The following CHRDL1 variants were observed in gnomAD, a reference collection of about 807,000 sequenced individuals.
CHRDL1 encodes chordin-like protein 1.
A neutral mutation model predicts 40.9 loss-of-function variants in CHRDL1; 19 were observed. That is an observed-to-expected ratio of 0.46 (90% CI 0.32 to 0.68). CHRDL1 has a LOEUF of 0.68. Among genes scored for constraint, CHRDL1 ranks in the 30% least tolerant of loss-of-function variants. The pLI is 0.03. For synonymous variants in CHRDL1, 136 were observed against 123.4 expected (o/e 1.10, Z -0.68); for missense variants, 329 against 352.1 (o/e 0.93, Z 0.53).
At chrX:110,770,278 C>G (rs2089731100) in intron 2 of CHRDL1, among the ~76,000 whole-genome samples, 1 of 111,648 alleles carries the variant, frequency 9.0e-6, no homozygotes, top group African/African-American at 3.3e-5. Flanking sequence ...AATCCCAGTA[C>G]AGGAAGATAA....
chrX:110,687,773 C>G (rs1215672607), intron 9 of CHRDL1, among the ~76,000 whole-genome samples: 1 of 111,682 alleles, frequency 9.0e-6, no homozygotes, highest in Non-Finnish European at 1.9e-5. Flanking sequence ...TGTGGCAAGA[C>G]AGAGATAGAA....
intron 4 of CHRDL1, among the ~76,000 whole-genome samples, chrX:110,745,200 A>C (rs1303996532): frequency 8.9e-6 from 1 of 111,745 alleles, no homozygotes; most frequent in African/African-American, 3.3e-5. Context: ...AGTTAAGCTA[A>C]GCATTGACCT....
At chrX:110,756,248 C>T (rs936429349) in intron 4 of CHRDL1, among the ~76,000 whole-genome samples, 11 of 111,630 alleles carry the variant, frequency 9.9e-5, no homozygotes, top group Non-Finnish European at 1.7e-4. Flanking sequence ...AAAAACTCTT[C>T]GTGGAATAAA....
chrX:110,782,191 C>T (rs775957205), intron 2 of CHRDL1, among the ~76,000 whole-genome samples: 1 of 111,998 alleles, frequency 8.9e-6, no homozygotes, highest in Non-Finnish European at 1.9e-5. Flanking sequence ...TGAGCATTTC[C>T]TATGAGGCAG....
At chrX:110,700,957 C>A (rs775238245) in intron 6 of CHRDL1, among the ~76,000 whole-genome samples, 2 of 112,033 alleles carry the variant, frequency 1.8e-5, no homozygotes, top group African/African-American at 6.5e-5. Context: ...CAACATTATG[C>A]AGAATTTGGA....
chrX:110,710,739 T>C (rs1465402801), intron 6 of CHRDL1, among the ~76,000 whole-genome samples: 1 of 111,923 alleles, frequency 8.9e-6, no homozygotes, highest in Non-Finnish European at 1.9e-5. Flanking sequence ...AACATTTCCA[T>C]GGAAGGAGAT....
chrX:110,675,722 GGAGGGAGAGAGA>G lies in CHRDL1; in HGVS notation c.*497_*508del, dbSNP rs2069761964. 1 of 41,579 alleles carries G rather than the reference GGAGGGAGAGAGA, an allele frequency of 2.4e-5. No individual in the cohort carries two copies. Among genetic ancestry groups the G allele is most frequent in the Non-Finnish European group, 4.6e-5 (1 of 21,804 alleles). 3.4% of individuals were successfully genotyped at this position (41,579 alleles called of 1,213,427 possible). ...GTGTGTGTGTGTGTCTGTGAGAGAG[GGAGGGAGAGAGA>G]GAGAGAGAGAGAAGGAGGGAGGGAG... On this transcript the variant is annotated 3_prime_UTR_variant, in exon 12 of 12. Coordinates refer to ENST00000372042, the MANE Select transcript of CHRDL1 (RefSeq NM_001143981.2).
chrX:110,717,558 A>G (rs931424382), intron 6 of CHRDL1, among the ~76,000 whole-genome samples: 9 of 111,276 alleles, frequency 8.1e-5, no homozygotes, highest in Non-Finnish European at 1.3e-4. Context: ...TTAGCTCCTC[A>G]ACTCACTAGC....
intron 2 of CHRDL1, among the ~76,000 whole-genome samples, chrX:110,787,132 G>A (rs1168361255): frequency 8.9e-6 from 1 of 111,960 alleles, no homozygotes; most frequent in Non-Finnish European, 1.9e-5. Context: ...TGGCTTGTAA[G>A]AGAGTTGCTC....
intron 6 of CHRDL1, among the ~76,000 whole-genome samples, chrX:110,714,782 T>C (rs181837573): frequency 1.8e-5 from 2 of 111,906 alleles, no homozygotes; most frequent in African/African-American, 6.5e-5. Flanking sequence ...GTTTGCAAGT[T>C]CAGCAGTCAA....
chrX:110,678,083 C>A (rs2069816899), intron 11 of CHRDL1, among the ~76,000 whole-genome samples: 2 of 111,157 alleles, frequency 1.8e-5, no homozygotes, highest in Non-Finnish European at 3.8e-5. Flanking sequence ...ACAGCGAGGA[C>A]CTCTTTCTAA....
chrX:110,725,234 A>T lies in CHRDL1; in HGVS notation c.302-3704T>A, dbSNP rs183894591. 9.8e-5 allele frequency among the ~76,000 whole-genome samples: 11 copies of T among 112,218 alleles called. No homozygotes were observed. The Admixed American group carries it at 1.0e-3, about 11-fold the overall frequency. On this transcript the variant is annotated intron_variant, in intron 4 of 11. Coordinates refer to ENST00000372042, the MANE Select transcript of CHRDL1 (RefSeq NM_001143981.2). ...GAGGGATGATCTCATATGTAAGCAG[A>T]ACTATGATTTCCGGGATGCTCAGAA...
rs762972949 is a variant in CHRDL1, at chrX:110,792,088, G to A, written c.94C>T (p.His32Tyr). Reference protein sequence around the residue: ...LEGGKTEQVKHSETYCMFQDK... With the variant: ...LEGGKTEQVKYSETYCMFQDK... The stretch of plus-strand genomic sequence containing the variant: ...TATTTTCCAAATGCAAGACACTTAC[G>A]TTTTACTTGCTCTGTTTTGCCTCCT... The change falls in exon 2 of 12, where the codon CAT becomes TAT. Residue 32 changes from histidine to tyrosine, a missense_variant and splice_region_variant. Coordinates refer to ENST00000372042, the MANE Select transcript of CHRDL1 (RefSeq NM_001143981.2). 4.6e-5 allele frequency: 52 copies of A among 1,123,603 alleles called. No individual in the cohort carries two copies. The highest frequency in any genetic ancestry group is 6.1e-5 in the Non-Finnish European group (50 of 823,879). The allele number at this position is 1,123,603 out of a possible 1,213,427, so 92.6% of individuals were successfully genotyped here.
chrX:110,692,581 T>C (rs1001789838), intron 8 of CHRDL1, among the ~76,000 whole-genome samples: 8 of 112,378 alleles, frequency 7.1e-5, no homozygotes, highest in African/African-American at 2.3e-4. Context: ...TCACAGCAAA[T>C]GGAATCTATT....
At position 110,721,497 on chromosome X, in the gene CHRDL1, G is replaced by A; in HGVS notation, c.335C>T (p.Thr112Ile). Residue 112 changes from threonine to isoleucine, a missense_variant, in exon 5 of 12, where the codon ACC becomes ATC. Transcript: ENST00000372042. ...DSLPPVNNKV[T>I]SKSCEYNGTT... ...CCCATTGTACTCGCAAGACTTGCTGGTCACCTTATTGTTCACTGGGGGTAA... is the reference window on the plus strand; with the variant it reads ...CCCATTGTACTCGCAAGACTTGCTGATCACCTTATTGTTCACTGGGGGTAA... 2 of 1,208,951 alleles carry A rather than the reference G, an allele frequency of 1.7e-6. No homozygotes were observed. The highest frequency in any genetic ancestry group is 2.2e-6 in the Non-Finnish European group (2 of 892,909).
intron 4 of CHRDL1, among the ~76,000 whole-genome samples, chrX:110,728,338 T>C (rs1263263890): frequency 9.0e-6 from 1 of 111,561 alleles, no homozygotes; most frequent in East Asian, 2.8e-4. Flanking sequence ...TTCATATTCT[T>C]GAATGATATA....
chrX:110,733,568 G>T (rs1324605029), intron 4 of CHRDL1, among the ~76,000 whole-genome samples: 1 of 111,346 alleles, frequency 9.0e-6, no homozygotes, highest in Non-Finnish European at 1.9e-5. Context: ...AGGAGACAGG[G>T]TCTATGCCTT....
chrX:110,763,710 G>A (rs1404465538), intron 2 of CHRDL1, among the ~76,000 whole-genome samples: 1 of 111,030 alleles, frequency 9.0e-6, no homozygotes, highest in Non-Finnish European at 1.9e-5. Flanking sequence ...GCGTGTGCAA[G>A]TATCTTTTTC....
chrX:110,690,049 ATATATT>A lies in CHRDL1; in HGVS notation c.779-1252_779-1247del, dbSNP rs2070238687. On this transcript the variant is annotated intron_variant, in intron 8 of 11. Transcript: ENST00000372042. ...TATATCTATATATATCTATATATATATATATTTTTTTTTTGAGATGGAGTCTCGCTC... is the reference window on the plus strand; with the variant it reads ...TATATCTATATATATCTATATATATATTTTTTTTGAGATGGAGTCTCGCTC... 6.3e-5 allele frequency among the ~76,000 whole-genome samples: 4 copies of A among 63,867 alleles called. 1 individual carries two copies. The highest frequency in any genetic ancestry group is 3.1e-4 in the African/African-American group (4 of 12,839). 55.5% of individuals were successfully genotyped at this position (63,867 alleles called of 115,157 possible). A position where few individuals can be genotyped will look rare whatever the true frequency, so the allele number is the denominator to read the frequency against.
Sources: gnomAD v4.1 joint callset for allele counts (sites outside exome capture counted in the v4.1 genomes callset) on GRCh38, gnomAD v4.1.1 for gene constraint, MANE v1.5 for transcripts, NCBI Gene and HGNC (gene_info 2026-07-23, HGNC 2026-07-21) for gene names.